RPL19: variants seen among roughly 807,000 people sequenced by gnomAD.
RPL19 encodes ribosomal protein L19.
In RPL19, 2 loss-of-function variants were observed where a neutral mutation model predicts 25.1. The observed-to-expected ratio is 0.08, with a 90% CI of 0.03 to 0.25. The LOEUF (loss-of-function observed/expected upper bound fraction) is 0.25, where lower values mean the gene tolerates loss of function less well. RPL19 is among the 10% of genes least tolerant of loss of function. The probability of loss-of-function intolerance (pLI) is 1.00; values close to 1 mark genes in which losing one functional copy is unlikely to be tolerated. For missense variants in RPL19, 123 were observed against 271.8 expected (o/e 0.45, Z 3.85); for synonymous variants, 89 against 91.2 (o/e 0.98, Z 0.14).
In RPL19 at chr17:39,202,886, G is replaced by A. The variant is rs565580317; in HGVS notation, c.236-103G>A. ...ATGCTACTTAAAATGAGGTTGTGAG[G>A]ATTAAATGAGTTAAGGACCCTGACT... On this transcript the variant is annotated intron_variant, in intron 3 of 5. Coordinates refer to ENST00000225430, the MANE Select transcript of RPL19 (RefSeq NM_000981.4). The A allele has an allele frequency of 7.7e-6, 10 of 1,297,014 alleles. No homozygotes were observed. In the South Asian group the frequency reaches 1.1e-4, roughly 15 times the overall value. The allele number at this position is 1,297,014 out of a possible 1,614,324, so 80.3% of individuals were successfully genotyped here. A position where few individuals can be genotyped will look rare whatever the true frequency, so the allele number is the denominator to read the frequency against.
chr17:39,203,174 ATTTTTT>A (rs59332263), intron 4 of RPL19, 65 bp downstream of exon 4: 438 of 595,528 alleles, frequency 7.4e-4, no homozygotes, highest in Non-Finnish European at 8.0e-4. Context: ...TTTCCCAGAG[ATTTTTT>A]TTTTTTTTTT....
At chr17:39,202,254 T>A in intron 2 of RPL19, 63 bp from the exon 3 acceptor site, 1 of 1,605,212 alleles carries the variant, frequency 6.2e-7, no homozygotes, top group South Asian at 1.1e-5. Flanking sequence ...TGGCCTGGCC[T>A]ATTTGGACTC....
chr17:39,202,911 T>G (rs2046300719), intron 3 of RPL19, 78 bp from the exon 4 acceptor site: 1 of 1,538,716 alleles, frequency 6.5e-7, no homozygotes, highest in African/African-American at 1.4e-5. Context: ...GGACCCTGAC[T>G]TGAAACTATA....
rs78378734 is a variant in RPL19 at position 39,204,540 on chromosome 17, C to T, written c.483C>T (p.Ala161=). 6.2e-6 allele frequency: 10 copies of T among 1,614,154 alleles called. No homozygotes were observed. The highest frequency in any genetic ancestry group is 7.6e-6 in the Non-Finnish European group (9 of 1,180,024). ...CCCTGACCAGTGACCAGGCTGAGGC[C>T]CGCAGGTCTAAGACCAAGGAAGCAC... ...RKKLLADQAE[A]RRSKTKEARK... is the part of the protein sequence containing the mutation. The change falls in exon 6 of 6, where the codon GCC becomes GCT. Residue 161 remains alanine, a synonymous_variant. Transcript: ENST00000225430.
chr17:39,200,523 G>C (rs148124103), intron 1 of RPL19, 174 bp downstream of exon 1: 1 of 1,297,390 alleles, frequency 7.7e-7, no homozygotes, highest in Non-Finnish European at 9.8e-7. Context: ...GTGAGGGGGG[G>C]CGGGGAGCGT....
At chr17:39,202,483 A>T in intron 3 of RPL19, 44 bp downstream of exon 3, 1 of 1,610,024 alleles carries the variant, frequency 6.2e-7, no homozygotes, top group South Asian at 1.1e-5. Flanking sequence ...AGGTGCTGGC[A>T]TCTATGCTGA....
chr17:39,202,220 G>A, intron 2 of RPL19, 97 bp from the exon 3 acceptor site: 1 of 1,472,956 alleles, frequency 6.8e-7, no homozygotes, highest in Non-Finnish European at 9.4e-7. Flanking sequence ...GAGACCGTGG[G>A]GCCAAGAATG....
At chr17:39,200,997 G>A (rs1250119832) in intron 1 of RPL19, 2 of 503,592 alleles carry the variant, frequency 4.0e-6, no homozygotes, top group Admixed American at 7.5e-5. Context: ...GAGGAGAAAT[G>A]CGAACATGAG....
chr17:39,202,298 G>A lies in RPL19; in HGVS notation c.113-19G>A, dbSNP rs759884227. ...GCTTGGGCCCCAGTTGACTGACCAG[G>A]TGCATTATGCTTTCCCAGGTCAGCA... On this transcript the variant is annotated intron_variant, in intron 2 of 5. Transcript: ENST00000225430. 66 of 1,612,656 alleles carry A rather than the reference G, an allele frequency of 4.1e-5. No individual in the cohort carries two copies. The highest frequency in any genetic ancestry group is 5.3e-5 in the Non-Finnish European group (63 of 1,179,826).
At chr17:39,200,896 T>C (rs1002417056) in intron 1 of RPL19, among the ~76,000 whole-genome samples, 1 of 152,142 alleles carries the variant, frequency 6.6e-6, no homozygotes. Context: ...AGAAATCAGG[T>C]CTACTCACCT....
At position 39,204,126 on chromosome 17, in the gene RPL19, C is replaced by A; in HGVS notation, c.406C>A (p.Arg136=). The A allele has an allele frequency of 1.9e-6, 3 of 1,613,352 alleles. No homozygotes were observed. In the South Asian group the frequency reaches 3.3e-5, roughly 18 times the overall value. ...KVKGNVFKNK[R]ILMEHIHKLK... ...GAAGGGGAATGTGTTCAAAAACAAG[C>A]GGATTCTCATGGAACACATCCACAA... The change falls in exon 5 of 6, where the codon CGG becomes AGG. Residue 136 remains arginine, a synonymous_variant. Coordinates refer to ENST00000225430, the MANE Select transcript of RPL19 (RefSeq NM_000981.4).
intron 2 of RPL19, 69 bp downstream of exon 2, chr17:39,201,388 C>T (rs952212270): frequency 2.3e-6 from 2 of 885,986 alleles, no homozygotes; most frequent in Non-Finnish European, 3.6e-6. Context: ...AATGATAACA[C>T]AATTGTGTTG....
chr17:39,200,356 G>C lies in RPL19; in HGVS notation c.5+7G>C, dbSNP rs368682691. Reference sequence around the variant, plus strand: ...CTGCGGCCGCAGCCATGAGGTGAGGGCGAGCTGGTCTCCATCAGGCGCTGA... The same window carrying C: ...CTGCGGCCGCAGCCATGAGGTGAGGCCGAGCTGGTCTCCATCAGGCGCTGA... On this transcript the variant is annotated splice_region_variant and intron_variant, in intron 1 of 5. Transcript: ENST00000225430. 1.9e-6 allele frequency: 3 copies of C among 1,567,654 alleles called. No individual in the cohort carries two copies. Among genetic ancestry groups the C allele is most frequent in the Non-Finnish European group, 2.6e-6 (3 of 1,159,340 alleles).
intron 1 of RPL19, chr17:39,200,735 C>T: frequency 4.7e-6 from 5 of 1,058,892 alleles, no homozygotes; most frequent in Non-Finnish European, 5.7e-6. Flanking sequence ...CCTCCGACTG[C>T]CGAGAGAGGT....
At chr17:39,201,915 C>G (rs185127992) in intron 2 of RPL19, among the ~76,000 whole-genome samples, 25 of 152,270 alleles carry the variant, frequency 1.6e-4, no homozygotes, top group African/African-American at 6.0e-4. Flanking sequence ...TTCAGAGTGT[C>G]TATAAAATGG....
At chr17:39,200,436 T>C (rs2046277961) in intron 1 of RPL19, 87 bp downstream of exon 1, 2 of 1,355,794 alleles carry the variant, frequency 1.5e-6, no homozygotes, top group South Asian at 1.7e-5. Context: ...TTGGGGGAGA[T>C]GAAATGGAGG....
chr17:39,200,688 T>C, intron 1 of RPL19: 1 of 1,107,862 alleles, frequency 9.0e-7, no homozygotes, highest in Non-Finnish European at 1.1e-6. Flanking sequence ...ATCTCTGCTT[T>C]CACGTGATGT....
rs370969631 is a variant in RPL19 at position 39,200,309 on chromosome 17, A to C, written c.-36A>C. ...CAGATAATGGGAGGAGCCGGGCCCGAGCGAGCTCTTTCCTTTCGCTGCTGC... is the reference window on the plus strand; with the variant it reads ...CAGATAATGGGAGGAGCCGGGCCCGCGCGAGCTCTTTCCTTTCGCTGCTGC... On this transcript the variant is annotated 5_prime_UTR_variant, in exon 1 of 6. Transcript: ENST00000225430. 2.4e-4 allele frequency: 371 copies of C among 1,536,784 alleles called. 1 individual carries two copies. The African/African-American group carries it at 4.5e-3, about 19-fold the overall frequency.
At position 39,204,203 on chromosome 17, in the gene RPL19, G is replaced by C. The variant is rs1338667009; in HGVS notation, c.467+16G>C. On this transcript the variant is annotated intron_variant, in intron 5 of 5. Coordinates refer to ENST00000225430, the MANE Select transcript of RPL19 (RefSeq NM_000981.4). ...AGCTCCTGGCGTAAGTTTCTTTTCA[G>C]AGTCTTAGGGGAACATTCTTAGACC... The C allele has an allele frequency of 3.5e-6, 5 of 1,438,852 alleles. No individual in the cohort carries two copies. The highest frequency in any genetic ancestry group is 2.0e-6 in the Non-Finnish European group (2 of 1,021,324). The allele number at this position is 1,438,852 out of a possible 1,614,324, so 89.1% of individuals were successfully genotyped here.
Sources: allele counts gnomAD v4.1 joint callset (sites outside exome capture counted in the v4.1 genomes callset), GRCh38; gene constraint gnomAD v4.1.1; transcripts MANE v1.5; gene names NCBI Gene and HGNC (gene_info 2026-07-23, HGNC 2026-07-21).